Variants in FLNB observed in about 807,000 individuals in gnomAD.
FLNB encodes filamin B.
In FLNB, 111 loss-of-function variants were observed where a neutral mutation model predicts 250.6. That is an observed-to-expected ratio of 0.44 (90% CI 0.38 to 0.52). FLNB has a LOEUF of 0.52. Among genes scored for constraint, FLNB ranks in the 20% least tolerant of loss-of-function variants. FLNB has a pLI of 0.00. For missense variants in FLNB, 2,869 were observed against 3,447.8 expected, an observed-to-expected ratio of 0.83 and a Z score of 4.20; for synonymous variants, 1,302 against 1,372.1, an observed-to-expected ratio of 0.95 and a Z score of 1.13.
rs1029522759 is a variant in FLNB at position 58,125,733 on chromosome 3, G to A, written c.4051G>A (p.Val1351Met). 18 of 1,614,018 alleles carry A rather than the reference G, an allele frequency of 1.1e-5. No individual in the cohort carries two copies. Among genetic ancestry groups the A allele is most frequent in the African/African-American group, 5.3e-5 (4 of 74,918 alleles). ...TACCAACAAGCCCAATGTCTTCACC[G>A]TGGTTACCAGGTAGGCAAGGCCCTA... ...AFTNKPNVFTVVTRGAGIGGL... is the reference protein window; with the variant it reads ...AFTNKPNVFTMVTRGAGIGGL... The change falls in exon 23 of 46, where the codon GTG becomes ATG. Residue 1351 changes from valine to methionine, a missense_variant. Around this residue, in one of 5 missense-constraint regions of FLNB, gnomAD observed 1,348 missense variants for 1,466.7 expected, o/e 0.92. Transcript: ENST00000295956.
chr3:58,051,123 G>T (rs2097161657), intron 1 of FLNB, among the ~76,000 whole-genome samples: 1 of 152,230 alleles, frequency 6.6e-6, no homozygotes, highest in South Asian at 2.1e-4. Context: ...ATGCCATGGA[G>T]TTGTCCCAGG....
chr3:58,149,052 CTG>C (rs777565681), intron 36 of FLNB, among the ~76,000 whole-genome samples, 200 bp downstream of exon 36: 1 of 152,156 alleles, frequency 6.6e-6, no homozygotes, highest in Non-Finnish European at 1.5e-5. Context: ...GATGATGAAA[CTG>C]AGGCTTGCAA....
rs150445941 is a variant in FLNB, at chr3:58,132,912, G to A, written c.4495G>A (p.Asp1499Asn). 731 of 1,613,864 alleles carry A rather than the reference G, an allele frequency of 4.5e-4. 1 individual carries two copies. The highest frequency in any genetic ancestry group is 3.9e-4 in the Non-Finnish European group (466 of 1,179,934). The change falls in exon 26 of 46, where the codon GAT becomes AAT. Residue 1499 changes from aspartate (D) to asparagine (N), a missense_variant. Physicochemically the swap from Asp to Asn is conservative, Grantham distance 23 (BLOSUM62 1). Transcript: ENST00000295956. ...TTACATGGTCTCAGTTAAATATGCT[G>A]ATGAAGAGATTCCTCGCAGGTAAGC... ...GPYMVSVKYA[D>N]EEIPRSPFKV...
chr3:58,136,842 C>T (rs1298551629), intron 28 of FLNB, among the ~76,000 whole-genome samples: 5 of 145,868 alleles, frequency 3.4e-5, no homozygotes, highest in African/African-American at 1.3e-4. Flanking sequence ...GCCTCAGCCT[C>T]CTGAGTAGCT....
chr3:58,059,622 C>T (rs551577904), intron 1 of FLNB, among the ~76,000 whole-genome samples: 2 of 152,158 alleles, frequency 1.3e-5, no homozygotes, highest in Non-Finnish European at 2.9e-5. Context: ...TCGTGTGTTT[C>T]TTGCCTGGCC....
In FLNB at chr3:58,166,276, T is replaced by C. The variant is rs573830243; in HGVS notation, c.7199-2164T>C. On this transcript the variant is annotated intron_variant, in intron 43 of 45. Coordinates refer to ENST00000295956, the MANE Select transcript of FLNB (RefSeq NM_001457.4). The stretch of plus-strand genomic sequence containing the variant: ...GGCCCTCACAGTCAAGATGAACTGA[T>C]TTTTGGTTGGTCAAAATATTGCATT... 1.4e-4 allele frequency among the ~76,000 whole-genome samples: 22 copies of C among 152,312 alleles called. No individual in the cohort carries two copies. The South Asian group carries it at 4.1e-3, about 29-fold the overall frequency.
intron 1 of FLNB, among the ~76,000 whole-genome samples, chr3:58,017,747 A>G (rs1379293649): frequency 3.3e-5 from 5 of 152,168 alleles, no homozygotes; most frequent in Non-Finnish European, 7.4e-5. Context: ...ACTTATGCCC[A>G]TTGTTTGAGT....
chr3:58,140,531 CT>C (rs1047745831), intron 29 of FLNB, among the ~76,000 whole-genome samples: 3 of 152,190 alleles, frequency 2.0e-5, no homozygotes, highest in Admixed American at 6.6e-5. Flanking sequence ...GCTTCTGATT[CT>C]TATTCTTTCT....
intron 1 of FLNB, among the ~76,000 whole-genome samples, chr3:58,055,419 A>G (rs570549847): frequency 6.6e-6 from 1 of 152,308 alleles, no homozygotes; most frequent in Admixed American, 6.5e-5. Context: ...TGGGCGGGCC[A>G]TATTTGTGGA....
intron 1 of FLNB, among the ~76,000 whole-genome samples, chr3:58,053,067 G>C (rs2097164981): frequency 6.6e-6 from 1 of 152,166 alleles, no homozygotes; most frequent in Non-Finnish European, 1.5e-5. Flanking sequence ...TGGAGTTTTT[G>C]AGAGGGTGAG....
chr3:58,081,220 CAAAGGAAAA>C (rs1418468142), intron 3 of FLNB, among the ~76,000 whole-genome samples: 10 of 152,062 alleles, frequency 6.6e-5, no homozygotes, highest in African/African-American at 2.4e-4. Context: ...AGTATACAAG[CAAAGGAAAA>C]AGCTGGTTAA....
intron 1 of FLNB, among the ~76,000 whole-genome samples, chr3:58,031,686 G>A (rs1655589802): frequency 6.6e-6 from 1 of 151,080 alleles, no homozygotes; most frequent in Admixed American, 6.6e-5. Context: ...TGAGTAGCTG[G>A]GACTACAGGT....
chr3:58,126,998 G>A (rs561261034), intron 24 of FLNB, among the ~76,000 whole-genome samples: 1 of 152,130 alleles, frequency 6.6e-6, no homozygotes, highest in South Asian at 2.1e-4. Flanking sequence ...TGTGTTGGAG[G>A]ACCTAGTTCT....
intron 12 of FLNB, 78 bp from the exon 13 acceptor site, chr3:58,108,380 C>A: frequency 1.1e-6 from 1 of 907,902 alleles, no homozygotes; most frequent in South Asian, 1.4e-5. Context: ...TTCCCCCACC[C>A]CCTGGTTACC....
intron 26 of FLNB, among the ~76,000 whole-genome samples, chr3:58,133,837 C>T (rs1465253275): frequency 1.3e-5 from 2 of 151,966 alleles, no homozygotes; most frequent in Non-Finnish European, 2.9e-5. Flanking sequence ...TTATAAATTA[C>T]ATTTGTATAT....
At chr3:58,024,199 C>G (rs1395075077) in intron 1 of FLNB, among the ~76,000 whole-genome samples, 2 of 152,172 alleles carry the variant, frequency 1.3e-5, no homozygotes, top group Non-Finnish European at 2.9e-5. Context: ...CCAGCCACTT[C>G]CGGAGTGCTT....
intron 1 of FLNB, among the ~76,000 whole-genome samples, chr3:58,055,107 A>G (rs929626554): frequency 3.9e-5 from 6 of 152,044 alleles, no homozygotes; most frequent in African/African-American, 1.4e-4. Flanking sequence ...TCTCTACCAA[A>G]AATACAAAAA....
At chr3:58,168,954 C>A (rs1223543153) in intron 44 of FLNB, 3 of 367,670 alleles carry the variant, frequency 8.2e-6, no homozygotes, top group East Asian at 6.0e-5. Flanking sequence ...TCTGAAAAAT[C>A]CCCTGATTTC....
intron 29 of FLNB, among the ~76,000 whole-genome samples, chr3:58,140,711 C>T (rs991370345): frequency 7.9e-5 from 12 of 152,082 alleles, no homozygotes; most frequent in Admixed American, 5.2e-4. Context: ...TGGGTTTAAG[C>T]GATTCTCCTG....
Sources: gnomAD v4.1 joint callset for allele counts (sites outside exome capture counted in the v4.1 genomes callset) on GRCh38, gnomAD v4.1.1 for gene constraint, gnomAD v4.1.1 regional missense constraint, MANE v1.5 for transcripts, NCBI Gene and HGNC (gene_info 2026-07-23, HGNC 2026-07-21) for gene names.